The following NPTN variants were observed in gnomAD, a reference collection of about 807,000 sequenced individuals.
The protein encoded by NPTN is SDR-1.
A neutral mutation model predicts 42.7 loss-of-function variants in NPTN; 5 were observed. The ratio of observed to expected loss-of-function variants is 0.12; its 90% CI spans 0.06 to 0.25. The LOEUF (loss-of-function observed/expected upper bound fraction) is 0.25. NPTN is among the 10% of genes least tolerant of loss of function. The pLI, the probability that NPTN is intolerant of heterozygous loss-of-function variation, is 1.00. For missense variants in NPTN, 307 were observed against 525.4 expected, an observed-to-expected ratio of 0.58 and a Z score of 4.06; for synonymous variants, 180 against 201.9, an observed-to-expected ratio of 0.89 and a Z score of 0.92.
chr15:73,563,478 T>G, intron 6 of NPTN: 1 of 1,368,790 alleles, frequency 7.3e-7, no homozygotes, highest in Non-Finnish European at 9.4e-7. Context: ...TTTCAATGGT[T>G]TTAGTTAACA....
At chr15:73,561,860 A>G (rs759868547) in intron 8 of NPTN, 36 bp downstream of exon 8, 2 of 1,424,878 alleles carry the variant, frequency 1.4e-6, no homozygotes, top group Middle Eastern at 1.8e-4. Flanking sequence ...TCATTTGAAT[A>G]TAATTTTTAA....
chr15:73,563,661 G>T, intron 6 of NPTN: 2 of 706,134 alleles, frequency 2.8e-6, no homozygotes, highest in Non-Finnish European at 3.5e-6. Flanking sequence ...AATGCATGCA[G>T]TTTTGGCTCA....
In NPTN at chr15:73,563,260, A is replaced by T. The variant is rs532280453; in HGVS notation, c.1115-3T>A. ...CATTGGTCCAGCTGGTTCATCATCTACATGGTGTTCAGTTTTTTAAAAATC... is the reference window on the plus strand; with the variant it reads ...CATTGGTCCAGCTGGTTCATCATCTTCATGGTGTTCAGTTTTTTAAAAATC... On this transcript the variant is annotated splice_region_variant and splice_polypyrimidine_tract_variant and intron_variant, in intron 6 of 8. Coordinates refer to ENST00000345330, the MANE Select transcript of NPTN (RefSeq NM_012428.4). 3.3e-5 allele frequency: 53 copies of T among 1,610,920 alleles called. No individual in the cohort carries two copies. The Admixed American group carries it at 8.2e-4, about 25-fold the overall frequency.
intron 4 of NPTN, among the ~76,000 whole-genome samples, chr15:73,577,311 G>A (rs1333031926): frequency 1.3e-5 from 2 of 152,206 alleles, no homozygotes; most frequent in African/African-American, 2.4e-5. Flanking sequence ...GCAGGAAGAA[G>A]CCAGAGTGAT....
intron 7 of NPTN, 147 bp from the exon 8 acceptor site, chr15:73,562,117 C>T: frequency 3.2e-6 from 2 of 628,346 alleles, no homozygotes; most frequent in South Asian, 3.7e-5. Context: ...CATAAAAAAA[C>T]ATTCCTTAAG....
intron 3 of NPTN, among the ~76,000 whole-genome samples, chr15:73,591,347 T>C (rs1896578671): frequency 6.6e-6 from 1 of 152,172 alleles, no homozygotes; most frequent in Non-Finnish European, 1.5e-5. Context: ...CAAGGTGGGG[T>C]GCCATGTGTT....
chr15:73,580,114 A>C (rs1175287616), intron 4 of NPTN, among the ~76,000 whole-genome samples: 1 of 152,098 alleles, frequency 6.6e-6, no homozygotes, highest in Non-Finnish European at 1.5e-5. Context: ...TTAAATGGTA[A>C]AGCCAGAATC....
rs1220989927 is a variant in NPTN at position 73,560,193 on chromosome 15, C to A, written c.*870G>T. The A allele has an allele frequency of 1.9e-5, 5 of 267,390 alleles. No individual in the cohort carries two copies. In the East Asian group the frequency reaches 4.8e-4, roughly 26 times the overall value. The allele number at this position is 267,390 out of a possible 1,614,324, so 16.6% of individuals were successfully genotyped here. ...AAATCAATGTGAAAAAATACAGTGT[C>A]AAACCAAAAAGTATAACTATAGTTG... On this transcript the variant is annotated 3_prime_UTR_variant, in exon 9 of 9. Transcript: ENST00000345330.
chr15:73,601,296 AAGAGAT>A (rs1897074434), intron 1 of NPTN, among the ~76,000 whole-genome samples: 1 of 152,262 alleles, frequency 6.6e-6, no homozygotes, highest in East Asian at 1.9e-4. Flanking sequence ...AAACCATGAA[AAGAGAT>A]CTATTCCCCC....
chr15:73,600,711 A>T (rs757133592), intron 1 of NPTN, among the ~76,000 whole-genome samples: 5 of 152,192 alleles, frequency 3.3e-5, no homozygotes, highest in East Asian at 1.9e-4. Flanking sequence ...AATTAATAAT[A>T]ATTCCTGGCC....
chr15:73,613,977 T>C (rs1284796823), intron 1 of NPTN, among the ~76,000 whole-genome samples: 1 of 152,056 alleles, frequency 6.6e-6, no homozygotes, highest in Non-Finnish European at 1.5e-5. Flanking sequence ...TGAGCCACCG[T>C]GCCTGGCCTG....
rs143471483 is a variant in NPTN, at chr15:73,584,963, T to C, written c.706+2561A>G. Among the ~76,000 whole-genome samples, 105 of 152,202 alleles carry C rather than the reference T, an allele frequency of 6.9e-4. 1 individual carries two copies. In the East Asian group the frequency reaches 0.011, roughly 16 times the overall value. On this transcript the variant is annotated intron_variant, in intron 4 of 8. Coordinates refer to ENST00000345330, the MANE Select transcript of NPTN (RefSeq NM_012428.4). ...TCTGGTTCCTTCAGCCTTCTTTTCT[T>C]TTGTAGACCACAGATAACTCAAGAT...
At chr15:73,606,322 G>A (rs978099000) in intron 1 of NPTN, among the ~76,000 whole-genome samples, 1 of 152,190 alleles carries the variant, frequency 6.6e-6, no homozygotes, top group Non-Finnish European at 1.5e-5. Flanking sequence ...GGAGAAAAAT[G>A]CAGCAGCCAC....
intron 4 of NPTN, among the ~76,000 whole-genome samples, chr15:73,580,614 G>A (rs1197395953): frequency 7.0e-6 from 1 of 143,162 alleles, no homozygotes. Context: ...GTATATACAT[G>A]TTATATATGT....
chr15:73,626,633 T>C (rs1898428127), intron 1 of NPTN, among the ~76,000 whole-genome samples: 1 of 152,216 alleles, frequency 6.6e-6, no homozygotes, highest in South Asian at 2.1e-4. Flanking sequence ...TTGTGTGTTT[T>C]CCTGTATCTT....
chr15:73,569,464 T>C lies in NPTN; in HGVS notation c.1114+686A>G, dbSNP rs1386629667. ...AGCTTGAGGGCACAGCCTCGGGGCA[T>C]GGACTCCATTTGTTCCGCCTTTGCT... On this transcript the variant is annotated intron_variant, in intron 6 of 8. Coordinates refer to ENST00000345330, the MANE Select transcript of NPTN (RefSeq NM_012428.4). This position sits in a 1 kb window ranked among gnomAD's most constrained non-coding sequence, Gnocchi z 4.1. 3.0e-6 allele frequency: 3 copies of C among 985,334 alleles called. No homozygotes were observed. Among genetic ancestry groups the C allele is most frequent in the Non-Finnish European group, 3.6e-6 (3 of 829,950 alleles). 61.0% of individuals were successfully genotyped at this position (985,334 alleles called of 1,614,324 possible).
intron 6 of NPTN, among the ~76,000 whole-genome samples, chr15:73,565,111 G>A (rs1158446369): frequency 2.0e-5 from 3 of 152,218 alleles, no homozygotes; most frequent in East Asian, 1.9e-4. Context: ...AGGTGTTTTA[G>A]CGACAGTGCC....
intron 4 of NPTN, among the ~76,000 whole-genome samples, chr15:73,580,501 A>G (rs1156540154): frequency 1.5e-5 from 2 of 131,300 alleles, no homozygotes; most frequent in Non-Finnish European, 3.1e-5. Flanking sequence ...ATACATAAAT[A>G]TATATATTAT....
chr15:73,633,317 G>A lies in NPTN; in HGVS notation c.-102C>T, dbSNP rs891294886. 5 of 865,600 alleles carry A rather than the reference G, an allele frequency of 5.8e-6. No individual in the cohort carries two copies. Among genetic ancestry groups the A allele is most frequent in the African/African-American group, 3.5e-5 (2 of 56,832 alleles). The allele number at this position is 865,600 out of a possible 1,614,324, so 53.6% of individuals were successfully genotyped here. On this transcript the variant is annotated 5_prime_UTR_variant, in exon 1 of 9. Transcript: ENST00000345330. ...GGGGCGGGCGAGTGCGCGAGGGAGTGAGCGAGGGAGGCAGCCGCGGCTCGG... is the reference window on the plus strand; with the variant it reads ...GGGGCGGGCGAGTGCGCGAGGGAGTAAGCGAGGGAGGCAGCCGCGGCTCGG...
Sources: allele counts gnomAD v4.1 joint callset (sites outside exome capture counted in the v4.1 genomes callset), GRCh38; gene constraint gnomAD v4.1.1; non-coding constraint Gnocchi (gnomAD v3.1); transcripts MANE v1.5; gene names NCBI Gene and HGNC (gene_info 2026-07-23, HGNC 2026-07-21).